Variants in ZNF362 observed in about 807,000 individuals in gnomAD.
The protein encoded by ZNF362 is zinc finger protein 362, also known as rotund homolog.
In ZNF362, 11 loss-of-function variants were observed where a neutral mutation model predicts 42.9. That is an observed-to-expected ratio of 0.26 (90% confidence interval 0.16 to 0.42). ZNF362 has a LOEUF of 0.42. Ranked by LOEUF, ZNF362 falls within the 20% of genes least tolerant of loss-of-function variation. The pLI is 1.00. For missense variants in ZNF362, 362 were observed against 576.2 expected, an observed-to-expected ratio of 0.63 and a Z score of 3.81; for synonymous variants, 255 against 257.3, an observed-to-expected ratio of 0.99 and a Z score of 0.09.
chr1:33,166,405 C>T, the ZNF362 span: 3 of 151,274 alleles, frequency 2.0e-5, no homozygotes, highest in Admixed American at 2.0e-4. Context: ...AGGTTGGGGA[C>T]CACTGCTCTA....
intron 6 of ZNF362, among the ~76,000 whole-genome samples, chr1:33,286,641 T>C (rs761650465): frequency 2.3e-4 from 35 of 152,190 alleles, no homozygotes; most frequent in Non-Finnish European, 3.5e-4. Context: ...AACTGATATG[T>C]CCTAACTCAG....
chr1:33,211,231 C>G, the ZNF362 span, among the ~76,000 whole-genome samples: 1 of 152,116 alleles, frequency 6.6e-6, no homozygotes, highest in South Asian at 2.1e-4. Context: ...CCGCGCCAGG[C>G]CTACATTTAA....
At chr1:33,187,136 C>T in the ZNF362 span, among the ~76,000 whole-genome samples, 1 of 152,154 alleles carries the variant, frequency 6.6e-6, no homozygotes, top group African/African-American at 2.4e-5. Context: ...GGTGAGGGAG[C>T]TGGGGTATTT....
the ZNF362 span, among the ~76,000 whole-genome samples, chr1:33,238,326 C>CATAAAATAAAATAAAATAAA: frequency 0.064 from 5,399 of 84,128 alleles, 443 homozygotes; most frequent in East Asian, 0.093. Context: ...CTCAAAATAA[C>CATAAAATAAAATAAAATAAA]ATAAAATAAA....
At chr1:33,269,891 A>C (rs1028426870) in intron 1 of ZNF362, among the ~76,000 whole-genome samples, 15 of 152,006 alleles carry the variant, frequency 9.9e-5, no homozygotes, top group Admixed American at 6.5e-4. Context: ...CTGGCACCTG[A>C]TGTACACCTT....
At chr1:33,224,668 C>T in the ZNF362 span, among the ~76,000 whole-genome samples, 1 of 152,110 alleles carries the variant, frequency 6.6e-6, no homozygotes, top group South Asian at 2.1e-4. Context: ...AACACATGGA[C>T]ATGTCTAAAT....
the ZNF362 span, among the ~76,000 whole-genome samples, chr1:33,209,940 G>C: frequency 6.6e-6 from 1 of 151,932 alleles, no homozygotes; most frequent in Non-Finnish European, 1.5e-5. Context: ...GTTCTGCTCT[G>C]ATCTTAGTTA....
At chr1:33,250,046 GCAGA>G in the ZNF362 span, among the ~76,000 whole-genome samples, 2,388 of 152,232 alleles carry the variant, frequency 0.016, 30 homozygotes, top group Non-Finnish European at 0.024. Context: ...AAGTGAATGG[GCAGA>G]CAGTCATGTG....
chr1:33,220,243 C>T, the ZNF362 span, among the ~76,000 whole-genome samples: 4 of 152,156 alleles, frequency 2.6e-5, no homozygotes, highest in Admixed American at 2.6e-4. Context: ...CAATCTGGTG[C>T]CATGGCTAAG....
At chr1:33,223,296 A>G in the ZNF362 span, among the ~76,000 whole-genome samples, 1 of 152,140 alleles carries the variant, frequency 6.6e-6, no homozygotes, top group African/African-American at 2.4e-5. Context: ...GTTTCCCTGC[A>G]CAAGCTCTCT....
chr1:33,191,377 A>G, the ZNF362 span, among the ~76,000 whole-genome samples: 2 of 152,204 alleles, frequency 1.3e-5, no homozygotes, highest in East Asian at 3.9e-4. Flanking sequence ...CTCCATCCCT[A>G]TGTTCCATTT....
At chr1:33,189,657 A>ATG in the ZNF362 span, among the ~76,000 whole-genome samples, 1,714 of 101,868 alleles carry the variant, frequency 0.017, 86 homozygotes, top group African/African-American at 0.065. Context: ...ATATATATAT[A>ATG]TATATATATA....
chr1:33,282,168 C>T (rs938116699), intron 6 of ZNF362, among the ~76,000 whole-genome samples: 1 of 152,200 alleles, frequency 6.6e-6, no homozygotes, highest in Non-Finnish European at 1.5e-5. Context: ...CCACAGGGCT[C>T]TGTGCATGTC....
chr1:33,212,472 C>A, the ZNF362 span, among the ~76,000 whole-genome samples: 1 of 152,108 alleles, frequency 6.6e-6, no homozygotes, highest in Middle Eastern at 3.4e-3. Flanking sequence ...AAAGAAGTAC[C>A]CAAGACTGGA....
chr1:33,234,343 G>A, the ZNF362 span, among the ~76,000 whole-genome samples: 1 of 152,150 alleles, frequency 6.6e-6, no homozygotes, highest in East Asian at 1.9e-4. Context: ...TACAGTAGGA[G>A]CTCAAATACC....
At chr1:33,150,587 T>C in the ZNF362 span, among the ~76,000 whole-genome samples, 3 of 152,206 alleles carry the variant, frequency 2.0e-5, no homozygotes, top group African/African-American at 7.2e-5. Context: ...TCCAGGGACA[T>C]AGAAGACGGG....
At chr1:33,138,136 T>C in the ZNF362 span, among the ~76,000 whole-genome samples, 1 of 152,134 alleles carries the variant, frequency 6.6e-6, no homozygotes, top group Non-Finnish European at 1.5e-5. Flanking sequence ...AGGGAGCCAG[T>C]AGGCAGAGGT....
chr1:33,221,162 T>G, the ZNF362 span, among the ~76,000 whole-genome samples: 1 of 152,210 alleles, frequency 6.6e-6, no homozygotes, highest in South Asian at 2.1e-4. Flanking sequence ...ACCCTGGGAT[T>G]GGCAGTGGGT....
chr1:33,202,337 C>T, the ZNF362 span, among the ~76,000 whole-genome samples: 2 of 152,172 alleles, frequency 1.3e-5, no homozygotes, highest in Non-Finnish European at 2.9e-5. Flanking sequence ...TGGCTCACGC[C>T]TGTAATCCCA....
Sources: gnomAD v4.1 joint callset for allele counts (sites outside exome capture counted in the v4.1 genomes callset) on GRCh38, gnomAD v4.1.1 for gene constraint, MANE v1.5 for transcripts, NCBI Gene and HGNC (gene_info 2026-07-23, HGNC 2026-07-21) for gene names.